Variants in TMC5 observed in about 807,000 individuals in gnomAD.
TMC5 encodes transmembrane channel like 5.
A neutral mutation model predicts 110.5 loss-of-function variants in TMC5; 86 were observed. The observed-to-expected ratio is 0.78, with a 90% CI of 0.65 to 0.93. The LOEUF (loss-of-function observed/expected upper bound fraction) is 0.93. Ranked by LOEUF, TMC5 falls within the 40% of genes least tolerant of loss-of-function variation. The pLI, the probability that TMC5 is intolerant of heterozygous loss-of-function variation, is 0.00. For synonymous variants in TMC5, 455 were observed against 439.5 expected (o/e 1.04, Z -0.44); for missense variants, 1,144 against 1,222.8 (o/e 0.94, Z 0.96).
intron 2 of TMC5, among the ~76,000 whole-genome samples, chr16:19,435,537 C>T (rs565382418): frequency 2.6e-5 from 4 of 152,032 alleles, no homozygotes; most frequent in South Asian, 2.1e-4. Context: ...TATGTATTTA[C>T]AGAGATGTGC....
At chr16:19,489,477 G>C (rs1968831345) in intron 17 of TMC5, among the ~76,000 whole-genome samples, 2 of 152,032 alleles carry the variant, frequency 1.3e-5, no homozygotes, top group South Asian at 4.1e-4. Context: ...TGGGACTACA[G>C]GCGCCCGCCA....
intron 5 of TMC5, chr16:19,457,123 C>T: frequency 1.1e-6 from 1 of 928,038 alleles, no homozygotes; most frequent in Non-Finnish European, 1.6e-6. Flanking sequence ...GGCGTGGTGG[C>T]TCACACCTAT....
At chr16:19,496,728 TA>T (rs370945127) in intron 20 of TMC5, among the ~76,000 whole-genome samples, 76 of 140,800 alleles carry the variant, frequency 5.4e-4, no homozygotes, top group East Asian at 6.1e-4. Context: ...CTACTAAAAA[TA>T]AAAAAAAAAA....
At chr16:19,482,036 A>C (rs1282666284) in intron 15 of TMC5, among the ~76,000 whole-genome samples, 1 of 152,138 alleles carries the variant, frequency 6.6e-6, no homozygotes, top group East Asian at 1.9e-4. Flanking sequence ...CAGAACCATA[A>C]GAAATAAATT....
intron 6 of TMC5, 41 bp from the exon 7 acceptor site, chr16:19,463,239 C>G: frequency 6.8e-7 from 1 of 1,467,760 alleles, no homozygotes. Context: ...GAATGAGTTG[C>G]AACATTTGTA....
At chr16:19,423,605 A>C (rs1967030275) in intron 1 of TMC5, among the ~76,000 whole-genome samples, 1 of 152,166 alleles carries the variant, frequency 6.6e-6, no homozygotes, top group South Asian at 2.1e-4. Context: ...TGTTTCTTGC[A>C]TTGTAGGTTG....
chr16:19,486,810 G>T (rs1421558510), intron 15 of TMC5, 135 bp from the exon 16 acceptor site: 2 of 703,766 alleles, frequency 2.8e-6, no homozygotes, highest in Non-Finnish European at 2.4e-6. Context: ...CGGGGTTAAG[G>T]CCTCAATATA....
At chr16:19,430,228 T>C (rs1453153832) in intron 1 of TMC5, among the ~76,000 whole-genome samples, 185 bp from the exon 2 acceptor site, 1 of 152,232 alleles carries the variant, frequency 6.6e-6, no homozygotes, top group African/African-American at 2.4e-5. Context: ...AAGATTAGTA[T>C]GAGTTAATAT....
chr16:19,430,313 T>C (rs921801559), intron 1 of TMC5, 100 bp from the exon 2 acceptor site: 15 of 152,246 alleles, frequency 9.9e-5, no homozygotes, highest in Admixed American at 5.2e-4. Flanking sequence ...CAGGAAGCCA[T>C]TTGAGGCAGT....
intron 5 of TMC5, among the ~76,000 whole-genome samples, 157 bp downstream of exon 5, chr16:19,449,788 T>C (rs8056088): frequency 0.031 from 4,771 of 152,214 alleles, 245 homozygotes; most frequent in African/African-American, 0.11. Flanking sequence ...CCTTGAAATC[T>C]GATGGTTTAA....
intron 15 of TMC5, among the ~76,000 whole-genome samples, chr16:19,482,094 CT>C (rs372693898): frequency 6.6e-6 from 1 of 152,306 alleles, no homozygotes; most frequent in Non-Finnish European, 1.5e-5. Flanking sequence ...GAGTCTCCCT[CT>C]GTCGCCCAGG....
intron 8 of TMC5, 125 bp from the exon 9 acceptor site, chr16:19,465,957 A>G: frequency 9.9e-7 from 1 of 1,007,280 alleles, no homozygotes; most frequent in Non-Finnish European, 1.4e-6. Context: ...TTTCCTGGAA[A>G]ACAAAATGTC....
chr16:19,460,369 T>C, intron 6 of TMC5, 35 bp downstream of exon 6: 1 of 1,446,796 alleles, frequency 6.9e-7, no homozygotes, highest in Non-Finnish European at 9.6e-7. Context: ...TTCTCAGATT[T>C]CATGCGAACC....
chr16:19,488,280 AAC>A (rs1353020091), intron 17 of TMC5, among the ~76,000 whole-genome samples: 1 of 152,168 alleles, frequency 6.6e-6, no homozygotes, highest in African/African-American at 2.4e-5. Flanking sequence ...CTGGCTAACC[AAC>A]AGACACTAAA....
At chr16:19,461,376 C>A (rs1002930028) in intron 6 of TMC5, among the ~76,000 whole-genome samples, 1 of 152,072 alleles carries the variant, frequency 6.6e-6, no homozygotes, top group East Asian at 1.9e-4. Context: ...GAGTTTGAGA[C>A]CAGCCTGGCC....
At chr16:19,479,038 G>A (rs961798584) in intron 13 of TMC5, among the ~76,000 whole-genome samples, 3 of 152,172 alleles carry the variant, frequency 2.0e-5, no homozygotes, top group Non-Finnish European at 2.9e-5. Context: ...TTTTTTGTAA[G>A]GTAAATAAGC....
At chr16:19,488,732 G>A (rs1315272350) in intron 17 of TMC5, among the ~76,000 whole-genome samples, 1 of 152,120 alleles carries the variant, frequency 6.6e-6, no homozygotes, top group Non-Finnish European at 1.5e-5. Context: ...TCTCAGACCT[G>A]AGTTTCTTTC....
In TMC5 at chr16:19,466,066, T is replaced by A. The variant is rs1567315202; in HGVS notation, c.1486-16T>A. 1.2e-6 allele frequency: 2 copies of A among 1,613,410 alleles called. No homozygotes were observed. The highest frequency in any genetic ancestry group is 1.7e-6 in the Non-Finnish European group (2 of 1,179,630). ...TCAGGAGATCCACCTGACCTATGGT[T>A]TATTGTACCTTTCAGGGTTATTTTA... On this transcript the variant is annotated splice_polypyrimidine_tract_variant and intron_variant, in intron 8 of 21. Transcript: ENST00000542583.
chr16:19,477,121 G>A (rs1481773104), intron 12 of TMC5: 3 of 226,368 alleles, frequency 1.3e-5, no homozygotes, highest in Non-Finnish European at 2.7e-5. Flanking sequence ...GGTGGCGGGC[G>A]CCTGTAGTCC....
Sources: allele counts gnomAD v4.1 joint callset (sites outside exome capture counted in the v4.1 genomes callset), GRCh38; gene constraint gnomAD v4.1.1; transcripts MANE v1.5; gene names NCBI Gene and HGNC (gene_info 2026-07-23, HGNC 2026-07-21).